MMP26: variants seen among roughly 807,000 people sequenced by gnomAD.
MMP26 encodes matrix metallopeptidase 26.
In MMP26, 33 loss-of-function variants were observed where a neutral mutation model predicts 31.0. The ratio of observed to expected loss-of-function variants is 1.06; its 90% CI spans 0.81 to 1.42. The LOEUF is 1.42. Ranked by LOEUF, MMP26 falls within the 40% of genes most tolerant of loss-of-function variation. MMP26 has a pLI of 0.00. For synonymous variants in MMP26, 122 were observed against 114.9 expected (o/e 1.06, Z -0.40); for missense variants, 347 against 316.1 (o/e 1.10, Z -0.74).
chr11:4,924,633 T>G (rs562235351), intron 2 of MMP26, among the ~76,000 whole-genome samples: 1 of 152,256 alleles, frequency 6.6e-6, no homozygotes, highest in South Asian at 2.1e-4. Context: ...AAAAGGGGAA[T>G]TTGGGACTTC....
chr11:4,869,498 C>G (rs1850282601), intron 2 of MMP26, among the ~76,000 whole-genome samples: 1 of 152,154 alleles, frequency 6.6e-6, no homozygotes, highest in African/African-American at 2.4e-5. Context: ...CAGAGAAATG[C>G]AAATCAAAAC....
intron 2 of MMP26, among the ~76,000 whole-genome samples, chr11:4,959,811 A>G (rs1846495941): frequency 6.6e-6 from 1 of 152,108 alleles, no homozygotes; most frequent in Admixed American, 6.6e-5. Context: ...TTCTAAATAT[A>G]CTCATACTCT....
intron 2 of MMP26, chr11:4,907,704 C>A: frequency 1.2e-6 from 2 of 1,613,906 alleles, no homozygotes; most frequent in South Asian, 2.2e-5. Context: ...GTCATGGAAT[C>A]CTCAGTACTT....
At position 4,794,276 on chromosome 11, in the gene MMP26, C is replaced by A. The variant is rs962346379; in HGVS notation, c.-145+26935C>A. 1.3e-5 allele frequency: 2 copies of A among 152,180 alleles called. 1 individual carries two copies. Among genetic ancestry groups the A allele is most frequent in the Non-Finnish European group, 2.9e-5 (2 of 68,052 alleles). 9.4% of individuals were successfully genotyped at this position (152,180 alleles called of 1,614,324 possible). ...ACTCTGTGTCATTGTGAGAAACACA[C>A]TCACCTGTCCAAACCCAAAGAATAG... is the stretch of plus-strand genomic sequence containing the variant. On this transcript the variant is annotated intron_variant, in intron 2 of 7. Transcript: ENST00000380390.
chr11:4,800,507 T>TGTG (rs1326166402), intron 2 of MMP26, among the ~76,000 whole-genome samples: 1 of 152,200 alleles, frequency 6.6e-6, no homozygotes, highest in Non-Finnish European at 1.5e-5. Flanking sequence ...CCTCTAGGCC[T>TGTG]GTGGTGGGAT....
intron 2 of MMP26, chr11:4,924,329 A>C: frequency 6.2e-7 from 1 of 1,605,602 alleles, no homozygotes; most frequent in Non-Finnish European, 8.5e-7. Flanking sequence ...GCTATTAAGA[A>C]GAATTGTCAT....
intron 2 of MMP26, among the ~76,000 whole-genome samples, chr11:4,778,660 A>C (rs1298174264): frequency 2.0e-5 from 3 of 152,060 alleles, no homozygotes; most frequent in Non-Finnish European, 2.9e-5. Flanking sequence ...AACCTGCTAA[A>C]ATGTTGATTT....
At chr11:4,899,563 T>C (rs1485848274) in intron 2 of MMP26, among the ~76,000 whole-genome samples, 1 of 152,206 alleles carries the variant, frequency 6.6e-6, no homozygotes, top group Non-Finnish European at 1.5e-5. Flanking sequence ...GCTATTTCAC[T>C]TGCTAATTTA....
intron 1 of MMP26, among the ~76,000 whole-genome samples, chr11:4,717,428 A>G (rs1847949084): frequency 6.6e-6 from 1 of 152,176 alleles, no homozygotes; most frequent in South Asian, 2.1e-4. Context: ...TGAAGAAAGG[A>G]TGAGAAAAAC....
chr11:4,804,070 A>G, intron 2 of MMP26: 1 of 1,614,084 alleles, frequency 6.2e-7, no homozygotes, highest in Non-Finnish European at 8.5e-7. Context: ...GATGAAGAAC[A>G]CCTGGATGAG....
intron 3 of MMP26, among the ~76,000 whole-genome samples, 170 bp downstream of exon 3, chr11:4,988,480 G>GA (rs768722244): frequency 1.8e-4 from 28 of 151,892 alleles, no homozygotes; most frequent in Non-Finnish European, 3.4e-4. Flanking sequence ...CTAATTTTAA[G>GA]AAAAAAATTA....
chr11:4,914,887 G>T (rs1851052139), intron 2 of MMP26: 1 of 1,614,164 alleles, frequency 6.2e-7, no homozygotes, highest in African/African-American at 1.3e-5. Flanking sequence ...GGCCAATCAT[G>T]GGAGTGTAGA....
chr11:4,925,358 C>T lies in MMP26; in HGVS notation c.-144-62710C>T, dbSNP rs181264276. Among the ~76,000 whole-genome samples the T allele has an allele frequency of 4.9e-4, 74 of 152,240 alleles. 1 individual carries two copies. The East Asian group carries it at 0.011, about 22-fold the overall frequency. ...AAAAAATTAAATTTAAAATCCCATG[C>T]GTTTCCTATCTTGGAAAAGTCTATG... is the stretch of plus-strand genomic sequence containing the variant. On this transcript the variant is annotated intron_variant, in intron 2 of 7. Transcript: ENST00000380390.
chr11:4,773,675 G>A (rs190591897), intron 2 of MMP26, among the ~76,000 whole-genome samples: 11 of 151,356 alleles, frequency 7.3e-5, no homozygotes, highest in African/African-American at 2.2e-4. Context: ...AGGATGTGCA[G>A]GTTTGTTACA....
intron 2 of MMP26, among the ~76,000 whole-genome samples, chr11:4,786,237 T>C (rs1848941866): frequency 6.6e-6 from 1 of 152,120 alleles, no homozygotes; most frequent in South Asian, 2.1e-4. Flanking sequence ...TGGGGAGTTT[T>C]CCTCTTTCTG....
intron 2 of MMP26, among the ~76,000 whole-genome samples, chr11:4,775,308 C>T (rs1036607551): frequency 5.9e-5 from 9 of 151,958 alleles, no homozygotes; most frequent in Admixed American, 1.3e-4. Context: ...TTCCTTGAGC[C>T]GTGGTTTGTA....
rs761410703 is a variant in MMP26, at chr11:4,803,918, C to T, written c.-145+36577C>T. On this transcript the variant is annotated intron_variant, in intron 2 of 7. Transcript: ENST00000380390. ...CAGAAGGGGCTCACCCACAGCAGCC[C>T]TCTCAGCATCACGATGGTCCCCAGT... 1.9e-6 allele frequency: 3 copies of T among 1,613,226 alleles called. No homozygotes were observed. Among genetic ancestry groups the T allele is most frequent in the Middle Eastern group, 1.6e-4 (1 of 6,062 alleles).
chr11:4,807,138 G>A (rs761332434), intron 2 of MMP26, among the ~76,000 whole-genome samples: 10 of 152,072 alleles, frequency 6.6e-5, no homozygotes, highest in South Asian at 2.1e-4. Context: ...ATAAACTTAC[G>A]TGTGCATGTG....
chr11:4,884,889 T>A (rs1208382534), intron 2 of MMP26, among the ~76,000 whole-genome samples: 1 of 152,126 alleles, frequency 6.6e-6, no homozygotes, highest in Non-Finnish European at 1.5e-5. Context: ...AATATTGCTG[T>A]GTTTGAATGC....
Sources: allele counts gnomAD v4.1 joint callset (sites outside exome capture counted in the v4.1 genomes callset), GRCh38; gene constraint gnomAD v4.1.1; transcripts MANE v1.5; gene names NCBI Gene and HGNC (gene_info 2026-07-23, HGNC 2026-07-21).